SHB: variants seen among roughly 807,000 people sequenced by gnomAD.
SHB encodes the protein SH2 domain-containing adapter protein B.
In SHB, 20 loss-of-function variants were observed where a neutral mutation model predicts 52.3. The observed-to-expected ratio is 0.38, with a 90% confidence interval of 0.27 to 0.56. SHB has a LOEUF of 0.56. Among genes scored for constraint, SHB ranks in the 20% least tolerant of loss-of-function variants. SHB has a pLI of 0.71. For missense variants in SHB, 825 were observed against 723.3 expected (o/e 1.14, Z -1.61); for synonymous variants, 397 against 316.5 (o/e 1.25, Z -2.70).
Position 38,068,628 on chromosome 9 carries a change from G to C in SHB, c.18C>G (p.Asn6Lys). 2 of 1,473,338 alleles carry C rather than the reference G, an allele frequency of 1.4e-6. No individual in the cohort carries two copies. Among genetic ancestry groups the C allele is most frequent in the South Asian group, 1.3e-5 (1 of 74,456 alleles). 91.3% of individuals were successfully genotyped at this position (1,473,338 alleles called of 1,614,324 possible). A position where few individuals can be genotyped will look rare whatever the true frequency, so the allele number is the denominator to read the frequency against. Residue 6 changes from asparagine (N) to lysine (K), a missense_variant, in exon 1 of 6, where the codon AAC (asparagine) becomes AAG (lysine). Transcript: ENST00000377707. MAKWL[N>K]KYFSLGNSKT... ...TGCTGTTGCCCAAGCTGAAGTACTT[G>C]TTTAGCCACTTGGCCATGGCGAGAG... is the stretch of plus-strand genomic sequence containing the variant.
chr9:38,049,275 C>G (rs549553701), intron 1 of SHB, among the ~76,000 whole-genome samples: 83 of 152,218 alleles, frequency 5.5e-4, no homozygotes, highest in African/African-American at 1.9e-3. Context: ...TCCCAAAGTG[C>G]TGGGATTACA....
Position 37,917,557 on chromosome 9 carries a change from G to A in SHB, c.*2264C>T, listed in dbSNP as rs531965302. On this transcript the variant is annotated 3_prime_UTR_variant, in exon 6 of 6. Coordinates refer to ENST00000377707, the MANE Select transcript of SHB (RefSeq NM_003028.3). ...TGAGGTCTCACCCTCCTCCCCCGCC[G>A]GAGGGTTGTTCCCCCTCTTCCTCAG... 7.2e-5 allele frequency among the ~76,000 whole-genome samples: 11 copies of A among 152,306 alleles called. No individual in the cohort carries two copies. The highest frequency in any genetic ancestry group is 1.0e-4 in the Non-Finnish European group (7 of 68,028).
chr9:38,015,134 T>G (rs1475553887), intron 2 of SHB, among the ~76,000 whole-genome samples: 1 of 152,252 alleles, frequency 6.6e-6, no homozygotes. Flanking sequence ...AATGTGCTGA[T>G]GTGCCCCTGC....
intron 1 of SHB, among the ~76,000 whole-genome samples, chr9:38,052,200 CA>C (rs955484322): frequency 2.6e-5 from 4 of 152,038 alleles, no homozygotes; most frequent in African/African-American, 9.7e-5. Flanking sequence ...AGAACACACA[CA>C]GCCCCCTCCC....
chr9:38,038,211 G>A (rs1027340834), intron 1 of SHB, among the ~76,000 whole-genome samples: 1 of 152,032 alleles, frequency 6.6e-6, no homozygotes, highest in Non-Finnish European at 1.5e-5. Flanking sequence ...AACAGGCTGG[G>A]CGCACAGGCA....
intron 1 of SHB, among the ~76,000 whole-genome samples, chr9:38,025,630 T>G (rs1821331936): frequency 1.3e-5 from 2 of 152,182 alleles, no homozygotes; most frequent in Non-Finnish European, 2.9e-5. Context: ...CCCTCTGCTC[T>G]CACCCTCCTC....
chr9:38,028,346 G>A (rs576624839), intron 1 of SHB, among the ~76,000 whole-genome samples: 32 of 152,292 alleles, frequency 2.1e-4, no homozygotes, highest in Middle Eastern at 6.8e-3. Context: ...AAGGCCTCAG[G>A]GGCAAGTCCA....
At position 38,005,749 on chromosome 9, in the gene SHB, T is replaced by C. The variant is rs548068727; in HGVS notation, c.838+10262A>G. 9.9e-5 allele frequency among the ~76,000 whole-genome samples: 15 copies of C among 152,188 alleles called. No individual in the cohort carries two copies. The South Asian group carries it at 3.1e-3, about 32-fold the overall frequency. On this transcript the variant is annotated intron_variant, in intron 2 of 5. Coordinates refer to ENST00000377707, the MANE Select transcript of SHB (RefSeq NM_003028.3). ...TTAGAGGAGAGTACTAATTAATTAG[T>C]CAAATAATAGGGTGTGGGGCAAATC...
chr9:38,040,642 C>T (rs1431532271), intron 1 of SHB, among the ~76,000 whole-genome samples: 2 of 151,976 alleles, frequency 1.3e-5, no homozygotes, highest in African/African-American at 4.8e-5. Context: ...CTTTCCTGGG[C>T]TCAGGCAGGG....
At chr9:37,927,452 C>T (rs146121589) in intron 5 of SHB, among the ~76,000 whole-genome samples, 9 of 152,334 alleles carry the variant, frequency 5.9e-5, no homozygotes, top group Non-Finnish European at 1.2e-4. Context: ...CTACCCGAGA[C>T]GCCAGGGCAT....
chr9:38,036,496 G>A (rs1821489662), intron 1 of SHB, among the ~76,000 whole-genome samples: 1 of 152,256 alleles, frequency 6.6e-6, no homozygotes, highest in Admixed American at 6.5e-5. Context: ...TTGGGCACAA[G>A]GAACCCCCAG....
intron 1 of SHB, among the ~76,000 whole-genome samples, chr9:38,040,408 G>A (rs1465348460): frequency 6.6e-6 from 1 of 152,216 alleles, no homozygotes; most frequent in African/African-American, 2.4e-5. Flanking sequence ...GGGGGGGCTT[G>A]GGAAGGGAGG....
At position 38,068,827 on chromosome 9, in the gene SHB, C is replaced by T. The variant is rs1329370840; in HGVS notation, c.-182G>A. 6.2e-6 allele frequency: 1 copy of T among 160,180 alleles called. No individual in the cohort carries two copies. Among genetic ancestry groups the T allele is most frequent in the Non-Finnish European group, 1.3e-5 (1 of 74,422 alleles). 9.9% of individuals were successfully genotyped at this position (160,180 alleles called of 1,614,324 possible). On this transcript the variant is annotated 5_prime_UTR_variant, in exon 1 of 6. Transcript: ENST00000377707. Reference sequence around the variant, plus strand: ...CCGCCTCCTGCCGGCAGCTCTCTGGCTCCGGCGGCTGCAACACCTCCCTCC... The same window carrying T: ...CCGCCTCCTGCCGGCAGCTCTCTGGTTCCGGCGGCTGCAACACCTCCCTCC...
intron 5 of SHB, among the ~76,000 whole-genome samples, chr9:37,924,151 G>A (rs914525319): frequency 6.6e-6 from 1 of 152,232 alleles, no homozygotes; most frequent in African/African-American, 2.4e-5. Flanking sequence ...GTCTTGTAAG[G>A]CTGGCAGAGG....
chr9:37,965,216 G>C (rs1008646152), intron 3 of SHB, among the ~76,000 whole-genome samples: 2 of 152,214 alleles, frequency 1.3e-5, no homozygotes, highest in African/African-American at 4.8e-5. Flanking sequence ...TGGAGGTCGG[G>C]GGGACAAGCC....
Position 38,068,247 on chromosome 9 carries a change from C to A in SHB, c.399G>T (p.Ala133=). 1 of 1,410,790 alleles carries A rather than the reference C, an allele frequency of 7.1e-7. No homozygotes were observed. The highest frequency in any genetic ancestry group is 1.5e-5 in the South Asian group (1 of 64,628). The allele number at this position is 1,410,790 out of a possible 1,614,324, so 87.4% of individuals were successfully genotyped here. The change falls in exon 1 of 6, where the codon GCG becomes GCT. Residue 133 remains alanine (A), a synonymous_variant. Coordinates refer to ENST00000377707, the MANE Select transcript of SHB (RefSeq NM_003028.3). The part of the protein sequence containing the change: ...GVQRAFSASS[A]SGAAGCCCAS... ...CGCAGCAACAGCCCGCGGCGCCCGA[C>A]GCGGACGAGGCCGAGAAGGCGCGCT... is the stretch of plus-strand genomic sequence containing the variant.
intron 5 of SHB, among the ~76,000 whole-genome samples, chr9:37,940,712 C>T (rs967202003): frequency 6.6e-6 from 1 of 152,340 alleles, no homozygotes; most frequent in Non-Finnish European, 1.5e-5. Flanking sequence ...AGTATCTCCA[C>T]TTGTTCAAGA....
chr9:37,999,873 C>A (rs1820991404), intron 2 of SHB, among the ~76,000 whole-genome samples: 1 of 152,236 alleles, frequency 6.6e-6, no homozygotes, highest in Middle Eastern at 3.2e-3. Context: ...AGCTGCAATT[C>A]ACTCCTGCAG....
intron 2 of SHB, among the ~76,000 whole-genome samples, chr9:37,989,941 A>G (rs1820862397): frequency 6.6e-6 from 1 of 152,206 alleles, no homozygotes; most frequent in Non-Finnish European, 1.5e-5. Flanking sequence ...CATCCACACA[A>G]CCATCCCAAG....
Sources: gnomAD v4.1 joint callset for allele counts (sites outside exome capture counted in the v4.1 genomes callset) on GRCh38, gnomAD v4.1.1 for gene constraint, MANE v1.5 for transcripts, NCBI Gene and HGNC (gene_info 2026-07-23, HGNC 2026-07-21) for gene names.